Variants in GOLM2 observed in about 807,000 individuals in gnomAD.
GOLM2 encodes protein GOLM2.
In GOLM2, 26 loss-of-function variants were observed where a neutral mutation model predicts 55.9. The ratio of observed to expected loss-of-function variants is 0.47; its 90% CI spans 0.34 to 0.65. GOLM2 has a LOEUF of 0.65. Ranked by LOEUF, GOLM2 falls within the 30% of genes least tolerant of loss-of-function variation. GOLM2 has a pLI of 0.01. For synonymous variants in GOLM2, 165 were observed against 194.6 expected (o/e 0.85, Z 1.27); for missense variants, 486 against 531.8 (o/e 0.91, Z 0.85).
chr15:44,406,843 A>G (rs1186659278), intron 9 of GOLM2: 4 of 151,916 alleles, frequency 2.6e-5, no homozygotes, highest in African/African-American at 9.7e-5. Context: ...ACCTAAATAT[A>G]CTTTGGCTTT....
intron 1 of GOLM2, among the ~76,000 whole-genome samples, chr15:44,319,966 T>G (rs2078938250): frequency 6.6e-6 from 1 of 152,218 alleles, no homozygotes; most frequent in South Asian, 2.1e-4. Context: ...AGTGTACAAT[T>G]TAGTGCATTT....
At chr15:44,369,204 A>ATG (rs1464267950) in intron 6 of GOLM2, among the ~76,000 whole-genome samples, 15 of 131,818 alleles carry the variant, frequency 1.1e-4, no homozygotes, top group African/African-American at 2.7e-4. Context: ...ATATATATAT[A>ATG]TATGTGTGTG....
At chr15:44,378,580 A>G (rs938415356) in intron 6 of GOLM2, among the ~76,000 whole-genome samples, 5 of 150,352 alleles carry the variant, frequency 3.3e-5, no homozygotes, top group African/African-American at 9.8e-5. Context: ...GCTGGGCGAC[A>G]GAGCAAGACT....
At chr15:44,403,810 G>A (rs2079581404) in intron 9 of GOLM2, among the ~76,000 whole-genome samples, 1 of 152,160 alleles carries the variant, frequency 6.6e-6, no homozygotes, top group Non-Finnish European at 1.5e-5. Context: ...CCACACTGAA[G>A]ATAAGATTAT....
intron 8 of GOLM2, among the ~76,000 whole-genome samples, chr15:44,393,460 G>A (rs993319210): frequency 1.3e-5 from 2 of 152,066 alleles, no homozygotes; most frequent in Admixed American, 6.6e-5. Context: ...TATAATCCCA[G>A]CAGAGTTTGG....
rs764751364 is a variant in GOLM2, at chr15:44,355,494, C to T, written c.802+17177C>T. 8 of 164,752 alleles carry T rather than the reference C, an allele frequency of 4.9e-5. No individual in the cohort carries two copies. The South Asian group carries it at 8.7e-4, about 18-fold the overall frequency. 10.2% of individuals were successfully genotyped at this position (164,752 alleles called of 1,614,324 possible). A position where few individuals can be genotyped will look rare whatever the true frequency, so the allele number is the denominator to read the frequency against. ...GTGAAGCAGGCATCGGAAGGCCCTT[C>T]GAGGGCACACTGGGCTACACTGAAC... is the stretch of plus-strand genomic sequence containing the variant. On this transcript the variant is annotated intron_variant, in intron 6 of 9. Transcript: ENST00000299957.
At chr15:44,352,895 A>G (rs932188236) in intron 6 of GOLM2, among the ~76,000 whole-genome samples, 17 of 151,368 alleles carry the variant, frequency 1.1e-4, no homozygotes, top group African/African-American at 4.2e-4. Flanking sequence ...AATAAGAGCA[A>G]AACTCCATCT....
chr15:44,334,959 A>AT (rs1287277385), intron 4 of GOLM2, among the ~76,000 whole-genome samples: 2 of 152,180 alleles, frequency 1.3e-5, no homozygotes, highest in Non-Finnish European at 2.9e-5. Context: ...TGAACTGGGG[A>AT]TATGGGGGTT....
intron 6 of GOLM2, among the ~76,000 whole-genome samples, chr15:44,369,067 T>TTTTATATATATATATATATATA (rs1491095871): frequency 4.4e-5 from 1 of 22,960 alleles, no homozygotes; most frequent in Non-Finnish European, 8.1e-5. Flanking sequence ...ATAGGATATA[T>TTTTATATATATATATATATATA]TATATATATA....
chr15:44,341,080 T>TC (rs1491456102), intron 6 of GOLM2, among the ~76,000 whole-genome samples: 1 of 125,944 alleles, frequency 7.9e-6, no homozygotes, highest in Non-Finnish European at 1.7e-5. Flanking sequence ...TACTTTTCTC[T>TC]TTTTTTTTTT....
intron 8 of GOLM2, among the ~76,000 whole-genome samples, chr15:44,383,363 A>G (rs1214390710): frequency 2.6e-5 from 4 of 152,084 alleles, no homozygotes; most frequent in African/African-American, 4.8e-5. Flanking sequence ...GACTAGCTTT[A>G]TAGCACTTGT....
At chr15:44,410,570 G>T (rs2079631502) in intron 9 of GOLM2, among the ~76,000 whole-genome samples, 1 of 151,954 alleles carries the variant, frequency 6.6e-6, no homozygotes, top group Non-Finnish European at 1.5e-5. Flanking sequence ...ATACCTAGTG[G>T]ATTATACTAT....
intron 9 of GOLM2, among the ~76,000 whole-genome samples, chr15:44,412,261 A>T (rs1238122208): frequency 6.6e-6 from 1 of 152,322 alleles, no homozygotes; most frequent in African/African-American, 2.4e-5. Flanking sequence ...AAGGATTGCT[A>T]TTGGCAGGTA....
At chr15:44,391,406 A>G (rs1053450908) in intron 8 of GOLM2, among the ~76,000 whole-genome samples, 1 of 151,864 alleles carries the variant, frequency 6.6e-6, no homozygotes, top group African/African-American at 2.4e-5. Flanking sequence ...AGTCCCAGCT[A>G]CTTGGGAGGC....
At chr15:44,327,455 G>T (rs2141135587) in intron 2 of GOLM2, among the ~76,000 whole-genome samples, 1 of 152,090 alleles carries the variant, frequency 6.6e-6, no homozygotes, top group East Asian at 2.0e-4. Context: ...TATCTCCCAA[G>T]TATTTTTGGA....
chr15:44,331,517 C>T (rs1378659261), intron 3 of GOLM2, among the ~76,000 whole-genome samples: 1 of 152,064 alleles, frequency 6.6e-6, no homozygotes. Flanking sequence ...TAGTTTCTTT[C>T]GTTCCTAGTA....
At chr15:44,341,809 C>T (rs1041019055) in intron 6 of GOLM2, among the ~76,000 whole-genome samples, 2 of 150,918 alleles carry the variant, frequency 1.3e-5, no homozygotes, top group Non-Finnish European at 2.9e-5. Flanking sequence ...CAGTTCTCTG[C>T]CTCAGCCTCC....
intron 1 of GOLM2, among the ~76,000 whole-genome samples, chr15:44,310,506 A>ACC (rs1477619926): frequency 1.4e-5 from 2 of 147,590 alleles, no homozygotes; most frequent in African/African-American, 5.0e-5. Flanking sequence ...ACACACCCAC[A>ACC]CACACACACA....
intron 9 of GOLM2, chr15:44,409,808 C>T (rs1183945745): frequency 1.3e-5 from 2 of 149,498 alleles, no homozygotes; most frequent in Non-Finnish European, 3.0e-5. Flanking sequence ...CCCAGCTACT[C>T]AAGAGGCTGA....
Sources: allele counts gnomAD v4.1 joint callset (sites outside exome capture counted in the v4.1 genomes callset), GRCh38; gene constraint gnomAD v4.1.1; transcripts MANE v1.5; gene names NCBI Gene and HGNC (gene_info 2026-07-23, HGNC 2026-07-21).